THSD4: variants seen among roughly 807,000 people sequenced by gnomAD.
THSD4 encodes thrombospondin type-1 domain-containing protein 4.
In THSD4, 69 loss-of-function variants were observed where a neutral mutation model predicts 119.0. That is an observed-to-expected ratio of 0.58 (90% CI 0.48 to 0.71). THSD4 has a LOEUF of 0.71. THSD4 is among the 30% of genes least tolerant of loss of function. The pLI is 0.00. For missense variants in THSD4, 1,393 were observed against 1,391.1 expected (o/e 1.00, Z -0.02); for synonymous variants, 524 against 540.4 (o/e 0.97, Z 0.42).
In THSD4 at chr15:71,446,339, C is replaced by T. The variant is rs779001213; in HGVS notation, c.1152+34516C>T. 7.7e-4 allele frequency among the ~76,000 whole-genome samples: 117 copies of T among 152,290 alleles called. 1 individual carries two copies. The highest frequency in any genetic ancestry group is 1.7e-3 in the South Asian group (8 of 4,822). ...ATTGCCCTTTCTTATACAGAATTGC[C>T]AGTGTCGTCTTGTAAAATAGGAATC... is the stretch of plus-strand genomic sequence containing the variant. On this transcript the variant is annotated intron_variant, in intron 7 of 17. Coordinates refer to ENST00000261862, the MANE Select transcript of THSD4 (RefSeq NM_024817.3).
intron 6 of THSD4, among the ~76,000 whole-genome samples, chr15:71,336,452 T>C (rs1388869956): frequency 6.6e-6 from 1 of 152,246 alleles, no homozygotes; most frequent in African/African-American, 2.4e-5. Flanking sequence ...TTTTAACTGT[T>C]AAGGGAAAAA....
intron 4 of THSD4, among the ~76,000 whole-genome samples, chr15:71,221,140 A>G (rs1295745224): frequency 6.6e-6 from 1 of 151,540 alleles, no homozygotes; most frequent in African/African-American, 2.4e-5. Flanking sequence ...AACTGAAGAG[A>G]CTCCTTGGTA....
intron 2 of THSD4, among the ~76,000 whole-genome samples, chr15:71,143,696 CTTTCTTTTTTTTTTTTT>C (rs1279131614): frequency 2.0e-5 from 2 of 98,472 alleles, no homozygotes; most frequent in African/African-American, 1.0e-4. Context: ...TTTTTTTTTT[CTTTCTTTTTTTTTTTTT>C]TTTTTTCAAA....
intron 2 of THSD4, among the ~76,000 whole-genome samples, chr15:71,143,696 C>CTTTTTTTTTTTT (rs1567137089): frequency 6.1e-5 from 6 of 98,466 alleles, no homozygotes; most frequent in Admixed American, 9.5e-5. Flanking sequence ...TTTTTTTTTT[C>CTTTTTTTTTTTT]TTTCTTTTTT....
At chr15:71,569,839 C>T (rs942234977) in intron 7 of THSD4, among the ~76,000 whole-genome samples, 1 of 152,088 alleles carries the variant, frequency 6.6e-6, no homozygotes, top group African/African-American at 2.4e-5. Context: ...ACTAAAAATA[C>T]AAAAGTTAGC....
chr15:71,365,903 A>T (rs2045955645), intron 6 of THSD4, among the ~76,000 whole-genome samples: 1 of 152,198 alleles, frequency 6.6e-6, no homozygotes, highest in African/African-American at 2.4e-5. Context: ...CAAGTCAGTT[A>T]CTAAAAGTAT....
rs80132451 is a variant in THSD4 at position 71,653,401 on chromosome 15, G to A, written c.1153-7129G>A. 2.0e-5 allele frequency among the ~76,000 whole-genome samples: 3 copies of A among 152,314 alleles called. No homozygotes were observed. The East Asian group carries it at 5.8e-4, about 29-fold the overall frequency. ...TGTCCCATGAGCTTTGGAATAAAGA[G>A]CAGTGATTCTCAACTGAGGGTGATT... On this transcript the variant is annotated intron_variant, in intron 7 of 17. Transcript: ENST00000261862.
At chr15:71,496,780 C>T (rs548911175) in intron 7 of THSD4, among the ~76,000 whole-genome samples, 1 of 152,298 alleles carries the variant, frequency 6.6e-6, no homozygotes, top group African/African-American at 2.4e-5. Context: ...GGAAGTGACT[C>T]AGTCTCTACC....
At chr15:71,614,744 T>C (rs187835974) in intron 7 of THSD4, among the ~76,000 whole-genome samples, 17 of 152,068 alleles carry the variant, frequency 1.1e-4, no homozygotes, top group African/African-American at 3.9e-4. Flanking sequence ...AGATTCTGAG[T>C]GGAGATGAAG....
chr15:71,447,109 ATTTTTTTTG>A (rs2047193862), intron 7 of THSD4, among the ~76,000 whole-genome samples: 2 of 69,486 alleles, frequency 2.9e-5, no homozygotes, highest in Non-Finnish European at 5.4e-5. Flanking sequence ...TCTTCCCTCC[ATTTTTTTTG>A]TTTTTTTTTT....
rs2053978398 is a variant in THSD4, at chr15:71,780,374, C to G, written c.*3000C>G. 5.7e-6 allele frequency: 1 copy of G among 175,052 alleles called. No individual in the cohort carries two copies. The highest frequency in any genetic ancestry group is 1.4e-4 in the East Asian group (1 of 7,212). 10.8% of individuals were successfully genotyped at this position (175,052 alleles called of 1,614,324 possible). ...ACAAAGTCCAAACAAAAATAGTTTG[C>G]CGTTTTACTTTCATCCATTGAAAAA... On this transcript the variant is annotated 3_prime_UTR_variant, in exon 18 of 18. Coordinates refer to ENST00000261862, the MANE Select transcript of THSD4 (RefSeq NM_024817.3).
intron 6 of THSD4, among the ~76,000 whole-genome samples, chr15:71,323,880 T>G (rs1567195643): frequency 6.6e-6 from 1 of 152,222 alleles, no homozygotes; most frequent in Non-Finnish European, 1.5e-5. Context: ...GGTTTCCATG[T>G]TTTCCAGTGA....
intron 6 of THSD4, among the ~76,000 whole-genome samples, chr15:71,262,315 G>A (rs1348208935): frequency 1.3e-5 from 2 of 152,080 alleles, no homozygotes; most frequent in East Asian, 3.9e-4. Flanking sequence ...GTGGAATTAG[G>A]GTGCCCGTGC....
At chr15:71,597,278 C>T (rs2049922347) in intron 7 of THSD4, among the ~76,000 whole-genome samples, 1 of 152,084 alleles carries the variant, frequency 6.6e-6, no homozygotes, top group South Asian at 2.1e-4. Context: ...AACAGCCTGG[C>T]TGAAACTGAC....
intron 17 of THSD4, 82 bp from the exon 18 acceptor site, chr15:71,777,150 C>G: frequency 6.4e-7 from 1 of 1,551,238 alleles, no homozygotes; most frequent in Middle Eastern, 1.7e-4. Flanking sequence ...GTTAAAGCCA[C>G]AGCCACTGCC....
intron 8 of THSD4, among the ~76,000 whole-genome samples, chr15:71,703,900 A>G (rs2052342620): frequency 6.6e-6 from 1 of 152,138 alleles, no homozygotes; most frequent in Non-Finnish European, 1.5e-5. Flanking sequence ...CCCAGGCTGG[A>G]GTGCAGTGGC....
Position 71,737,729 on chromosome 15 carries a change from T to G in THSD4, c.1631-3T>G. The G allele has an allele frequency of 6.2e-7, 1 of 1,605,230 alleles. No homozygotes were observed. The highest frequency in any genetic ancestry group is 8.5e-7 in the Non-Finnish European group (1 of 1,175,656). ...TCTGTGTGTGCACGCTCACCTCTCCTAGGGGAACCCTTCAATGGCCAGATG... is the reference window on the plus strand; with the variant it reads ...TCTGTGTGTGCACGCTCACCTCTCCGAGGGGAACCCTTCAATGGCCAGATG... On this transcript the variant is annotated splice_region_variant and splice_polypyrimidine_tract_variant and intron_variant, in intron 10 of 17. Transcript: ENST00000261862.
chr15:71,364,326 C>T (rs1228159446), intron 6 of THSD4, among the ~76,000 whole-genome samples: 1 of 152,176 alleles, frequency 6.6e-6, no homozygotes, highest in African/African-American at 2.4e-5. Context: ...GATGAACTGC[C>T]TCAGAGGCCA....
rs138529833 is a variant in THSD4 at position 71,436,217 on chromosome 15, G to A, written c.1152+24394G>A. On this transcript the variant is annotated intron_variant, in intron 7 of 17. Coordinates refer to ENST00000261862, the MANE Select transcript of THSD4 (RefSeq NM_024817.3). ...CAGCTCAGACAATGGGCTTATAGGG[G>A]TTTTAGGCCTATGTTCTATCCTACT... 3.8e-3 allele frequency among the ~76,000 whole-genome samples: 584 copies of A among 152,202 alleles called. 8 individuals are homozygous for A. The highest frequency in any genetic ancestry group is 0.013 in the African/African-American group (558 of 41,518).
Sources: gnomAD v4.1 joint callset for allele counts (sites outside exome capture counted in the v4.1 genomes callset) on GRCh38, gnomAD v4.1.1 for gene constraint, MANE v1.5 for transcripts, NCBI Gene and HGNC (gene_info 2026-07-23, HGNC 2026-07-21) for gene names.